Variants in ZNF385C observed in about 807,000 individuals in gnomAD.
The protein encoded by ZNF385C is CTD-2132N18.2.
ZNF385C carries 28 observed loss-of-function variants against 35.4 expected under a neutral mutation model. The observed-to-expected ratio is 0.79, with a 90% confidence interval of 0.59 to 1.08. The LOEUF (loss-of-function observed/expected upper bound fraction) is 1.08, where lower values mean the gene tolerates loss of function less well. Ranked by LOEUF, ZNF385C falls within the 50% of genes least tolerant of loss-of-function variation. ZNF385C has a pLI of 0.00. For synonymous variants in ZNF385C, 248 were observed against 248.2 expected (o/e 1.00, Z 0.01); for missense variants, 605 against 595.6 (o/e 1.02, Z -0.16).
intron 1 of ZNF385C, among the ~76,000 whole-genome samples, chr17:42,080,215 A>T (rs1168808381): frequency 6.6e-6 from 1 of 152,142 alleles, no homozygotes; most frequent in Non-Finnish European, 1.5e-5. Context: ...ATACTGCCCC[A>T]TGGAAGGGAA....
At chr17:42,083,926 C>T (rs1420782520) in intron 1 of ZNF385C, among the ~76,000 whole-genome samples, 1 of 151,896 alleles carries the variant, frequency 6.6e-6, no homozygotes, top group Non-Finnish European at 1.5e-5. Flanking sequence ...GCCATGTTGA[C>T]CAGGCTGTTC....
chr17:42,077,004 T>C (rs1262671958), intron 1 of ZNF385C, among the ~76,000 whole-genome samples: 2 of 152,154 alleles, frequency 1.3e-5, no homozygotes, highest in African/African-American at 4.8e-5. Flanking sequence ...CCTCTGAGTC[T>C]CCAGTTTGAC....
At chr17:42,077,445 T>C (rs1293565076) in intron 1 of ZNF385C, among the ~76,000 whole-genome samples, 1 of 152,152 alleles carries the variant, frequency 6.6e-6, no homozygotes, top group East Asian at 1.9e-4. Context: ...CCCTCAACAT[T>C]ACACAGCTTG....
intron 2 of ZNF385C, chr17:42,040,996 TC>T: frequency 1.6e-6 from 2 of 1,232,198 alleles, no homozygotes; most frequent in Non-Finnish European, 2.0e-6. Context: ...AGCAGTGGCC[TC>T]GCCCTCCTGT....
chr17:42,077,426 C>A (rs192019435), intron 1 of ZNF385C, among the ~76,000 whole-genome samples: 247 of 152,208 alleles, frequency 1.6e-3, no homozygotes, highest in Non-Finnish European at 2.6e-3. Context: ...GGTGAAGGAA[C>A]TTATGCAACC....
At position 42,071,589 on chromosome 17, in the gene ZNF385C, C is replaced by T. The variant is rs1234282188; in HGVS notation, c.-2-8531G>A. On this transcript the variant is annotated intron_variant, in intron 1 of 8. Transcript: ENST00000692273. The stretch of plus-strand genomic sequence containing the variant: ...CAGGGTCCATAGTGGCAACACAGAG[C>T]AGCTGCTTGTAAGGTGGGATGGTTG... Among the ~76,000 whole-genome samples the T allele has an allele frequency of 2.0e-5, 3 of 152,290 alleles. No homozygotes were observed. The East Asian group carries it at 5.8e-4, about 29-fold the overall frequency.
chr17:42,043,629 G>A, intron 2 of ZNF385C: 1 of 334,938 alleles, frequency 3.0e-6, no homozygotes, highest in Non-Finnish European at 5.4e-6. Context: ...TTAGGGTGGA[G>A]TGGTAGGCTT....
chr17:42,093,423 G>A (rs1467603730), intron 1 of ZNF385C, among the ~76,000 whole-genome samples: 1 of 152,156 alleles, frequency 6.6e-6, no homozygotes, highest in Non-Finnish European at 1.5e-5. Flanking sequence ...CCAGAGTGAT[G>A]ACTCTGGACC....
intron 2 of ZNF385C, among the ~76,000 whole-genome samples, chr17:42,057,501 C>CGT (rs1567991370): frequency 7.0e-6 from 1 of 143,688 alleles, no homozygotes; most frequent in African/African-American, 2.8e-5. Context: ...GGGGTGTGCG[C>CGT]GCGCGCGCGC....
At position 42,027,043 on chromosome 17, in the gene ZNF385C, C is replaced by A. The variant is rs782342960; in HGVS notation, c.1366G>T (p.Ala456Ser). Residue 456 changes from alanine to serine, a missense_variant, in exon 9 of 9, where the codon GCT becomes TCT. Ala to Ser is a moderately conservative substitution (Grantham distance 99, BLOSUM62 1). Transcript: ENST00000692273. ...PLPTAATAIC[A>S]LPGPLALRPA... is the part of the protein sequence containing the mutation. ...CGGAGGGCCAGGGGCCCTGGCAGAG[C>A]ACAGATGGCAGTGGCTGCGGTGGGG... The A allele has an allele frequency of 1.2e-6, 2 of 1,608,492 alleles. No homozygotes were observed. Among genetic ancestry groups the A allele is most frequent in the Non-Finnish European group, 1.7e-6 (2 of 1,177,442 alleles).
chr17:42,078,859 G>A (rs1366381451), intron 1 of ZNF385C, among the ~76,000 whole-genome samples: 1 of 152,110 alleles, frequency 6.6e-6, no homozygotes, highest in Non-Finnish European at 1.5e-5. Context: ...GGGACTGCGG[G>A]GAACTGGAGT....
chr17:42,040,334 C>T (rs1393246623), intron 2 of ZNF385C: 7 of 1,231,716 alleles, frequency 5.7e-6, no homozygotes, highest in South Asian at 4.1e-5. Flanking sequence ...GTGCAGCGTC[C>T]GCTGCTGGCG....
intron 4 of ZNF385C, 109 bp downstream of exon 4, chr17:42,034,116 C>G: frequency 1.1e-6 from 1 of 876,654 alleles, no homozygotes; most frequent in South Asian, 1.4e-5. Context: ...ATACCGACCA[C>G]AGCCCCTTTG....
intron 2 of ZNF385C, chr17:42,039,409 G>T (rs1555655812): frequency 3.2e-6 from 1 of 313,002 alleles, no homozygotes; most frequent in Non-Finnish European, 5.8e-6. Context: ...GAGTCCAGAA[G>T]GGAAAAGGGT....
intron 2 of ZNF385C, among the ~76,000 whole-genome samples, chr17:42,057,503 CGCGCGCGCGCGTGT>C (rs1216655121): frequency 2.8e-5 from 4 of 141,772 alleles, no homozygotes; most frequent in African/African-American, 9.2e-5. Context: ...GGTGTGCGCG[CGCGCGCGCGCGTGT>C]GTGTGTGTGT....
At position 42,031,265 on chromosome 17, in the gene ZNF385C, C is replaced by CT. The variant is rs782262901; in HGVS notation, c.676+353dup. Among the ~76,000 whole-genome samples, 4 of 152,266 alleles carry CT rather than the reference C, an allele frequency of 2.6e-5. No individual in the cohort carries two copies. The South Asian group carries it at 6.2e-4, about 24-fold the overall frequency. ...TCCCAGACTGGTCTCAAACTCCAGG[C>CT]TTAAAGCAATCCTCCCGCCTCAGCC... is the stretch of plus-strand genomic sequence containing the variant. On this transcript the variant is annotated intron_variant, in intron 5 of 8. Transcript: ENST00000692273.
At chr17:42,044,788 C>T (rs2053115518) in intron 2 of ZNF385C, among the ~76,000 whole-genome samples, 1 of 152,132 alleles carries the variant, frequency 6.6e-6, no homozygotes, top group Non-Finnish European at 1.5e-5. Context: ...CCTGGGGCCT[C>T]AGACTGAAGG....
chr17:42,034,259 G>T lies in ZNF385C; in HGVS notation c.476C>A (p.Ser159Tyr). The change falls in exon 4 of 9, where the codon TCC becomes TAC. Residue 159 changes from serine to tyrosine, a missense_variant. Coordinates refer to ENST00000692273, the MANE Select transcript of ZNF385C (RefSeq NM_001392013.1). ...GAACCTCAGGTGACAGATGTTACAG[G>T]AAATGAACAGCTTCTTCTTCAGAGG... ...PSPLKKKLFI[S>Y]CNICHLRFNS... is the part of the protein sequence containing the mutation. 6.4e-7 allele frequency: 1 copy of T among 1,550,648 alleles called. No homozygotes were observed. Among genetic ancestry groups the T allele is most frequent in the Non-Finnish European group, 8.7e-7 (1 of 1,146,986 alleles).
rs1337323428 is a variant in ZNF385C at position 42,057,898 on chromosome 17, A to G, written c.250+4909T>C. Among the ~76,000 whole-genome samples the G allele has an allele frequency of 4.0e-5, 6 of 151,888 alleles. No homozygotes were observed. The East Asian group carries it at 1.2e-3, about 29-fold the overall frequency. On this transcript the variant is annotated intron_variant, in intron 2 of 8. Transcript: ENST00000692273. Reference sequence around the variant, plus strand: ...GTGGAGGTTGCAATGAGTTGGGATCACACCACTGCACTCCAGCCTGGGCAA... The same window carrying G: ...GTGGAGGTTGCAATGAGTTGGGATCGCACCACTGCACTCCAGCCTGGGCAA...
Sources: gnomAD v4.1 joint callset for allele counts (sites outside exome capture counted in the v4.1 genomes callset) on GRCh38, gnomAD v4.1.1 for gene constraint, MANE v1.5 for transcripts, NCBI Gene and HGNC (gene_info 2026-07-23, HGNC 2026-07-21) for gene names.